Variants in NPC1L1 observed in about 807,000 individuals in gnomAD.
The protein encoded by NPC1L1 is NPC1 like intracellular cholesterol transporter 1, also known as NPC1-like intracellular cholesterol transporter 1.
A neutral mutation model predicts 117.0 loss-of-function variants in NPC1L1; 98 were observed. That is an observed-to-expected ratio of 0.84 (90% CI 0.71 to 0.99). The LOEUF (loss-of-function observed/expected upper bound fraction) is 0.99, where lower values mean the gene tolerates loss of function less well. Ranked by LOEUF, NPC1L1 falls within the 50% of genes least tolerant of loss-of-function variation. The pLI, the probability that NPC1L1 is intolerant of heterozygous loss-of-function variation, is 0.00. For synonymous variants in NPC1L1, 729 were observed against 727.6 expected, an observed-to-expected ratio of 1.00 and a Z score of -0.03; for missense variants, 1,540 against 1,710.0, an observed-to-expected ratio of 0.90 and a Z score of 1.75.
intron 10 of NPC1L1, among the ~76,000 whole-genome samples, chr7:44,523,556 T>C (rs1410381189): frequency 1.3e-5 from 2 of 152,160 alleles, no homozygotes; most frequent in African/African-American, 4.8e-5. Flanking sequence ...AGGAGCCAGG[T>C]AGGCAAGGAC....
chr7:44,541,312 C>G lies in NPC1L1; in HGVS notation c.-53G>C. The G allele has an allele frequency of 2.6e-6, 4 of 1,528,312 alleles. No homozygotes were observed. Among genetic ancestry groups the G allele is most frequent in the Non-Finnish European group, 3.5e-6 (4 of 1,129,560 alleles). The allele number at this position is 1,528,312 out of a possible 1,614,324, so 94.7% of individuals were successfully genotyped here. ...AGCCAGGCCAGGCCTCAGGAACAGCCAAGGGCTGAACACACATTAAGGCAG... is the reference window on the plus strand; with the variant it reads ...AGCCAGGCCAGGCCTCAGGAACAGCGAAGGGCTGAACACACATTAAGGCAG... On this transcript the variant is annotated 5_prime_UTR_variant, in exon 1 of 19. Coordinates refer to ENST00000381160, the MANE Select transcript of NPC1L1 (RefSeq NM_001101648.2).
At position 44,541,247 on chromosome 7, in the gene NPC1L1, C is replaced by T. The variant is rs759412002; in HGVS notation, c.13G>A (p.Gly5Ser). 1.8e-5 allele frequency: 28 copies of T among 1,549,920 alleles called. No individual in the cohort carries two copies. The highest frequency in any genetic ancestry group is 2.4e-5 in the East Asian group (1 of 40,922). ...GCCCACAGCAGCCAGCCCCTCAGGC[C>T]GGCCTCCGCCATCCCAGGTCTGGGA... The part of the protein sequence containing the change: MAEA[G>S]LRGWLLWALL... The change falls in exon 1 of 19, where the codon GGC becomes AGC. Residue 5 changes from glycine (G) to serine (S), a missense_variant. By Grantham distance (56) the Gly-to-Ser change is moderately conservative. Transcript: ENST00000381160.
At chr7:44,532,257 G>T in intron 8 of NPC1L1, 40 bp from the exon 9 acceptor site, 1 of 1,611,912 alleles carries the variant, frequency 6.2e-7, no homozygotes, top group Non-Finnish European at 8.5e-7. Context: ...TCCCAGAGCA[G>T]ACAAGGCCCC....
Position 44,534,617 on chromosome 7 carries a change from C to T in NPC1L1, c.1996G>A (p.Ala666Thr). 6.8e-6 allele frequency: 11 copies of T among 1,614,016 alleles called. No homozygotes were observed. The highest frequency in any genetic ancestry group is 1.3e-5 in the African/African-American group (1 of 75,056). ...SWSRVMVDSK[A>T]TLGLGGVAVV... ...GCCACCCCGCCGAGGCCCAGCGTGG[C>T]CTTGGAGTCCACCTGCAATGCAAAC... The change falls in exon 6 of 19, where the codon GCC becomes ACC. Residue 666 changes from alanine (A) to threonine (T), a missense_variant. Physicochemically the swap from Ala to Thr is moderately conservative, Grantham distance 58. Transcript: ENST00000381160. This position sits in a 1 kb window ranked among gnomAD's most constrained non-coding sequence, Gnocchi z 5.2.
At chr7:44,530,335 T>C (rs1459190768) in intron 10 of NPC1L1, among the ~76,000 whole-genome samples, 2 of 152,054 alleles carry the variant, frequency 1.3e-5, no homozygotes, top group Admixed American at 6.6e-5. Flanking sequence ...TGAAACTCTG[T>C]TTCAAAATAA....
At position 44,539,626 on chromosome 7, in the gene NPC1L1, T is replaced by C; in HGVS notation, c.771A>G (p.Gln257=). 6.2e-7 allele frequency: 1 copy of C among 1,613,856 alleles called. No individual in the cohort carries two copies. Among genetic ancestry groups the C allele is most frequent in the Non-Finnish European group, 8.5e-7 (1 of 1,180,024 alleles). ...TGGCAGGACAGGATGCAGCACAGTCTTGGCAGGAGCAGGTCGCCACGTCGT... is the reference window on the plus strand; with the variant it reads ...TGGCAGGACAGGATGCAGCACAGTCCTGGCAGGAGCAGGTCGCCACGTCGT... ...QGDDVATCSC[Q]DCAASCPAIA... Residue 257 remains glutamine (Q), a synonymous_variant, in exon 2 of 19, where the codon CAA becomes CAG. Coordinates refer to ENST00000381160, the MANE Select transcript of NPC1L1 (RefSeq NM_001101648.2). The surrounding 1 kb of genome is among the most constrained non-coding windows in gnomAD (Gnocchi z 4.4).
chr7:44,528,408 G>A (rs993164380), intron 10 of NPC1L1, among the ~76,000 whole-genome samples: 1 of 152,190 alleles, frequency 6.6e-6, no homozygotes, highest in Non-Finnish European at 1.5e-5. Flanking sequence ...GCTAGCTCAA[G>A]ATATAATTTT....
Position 44,520,776 on chromosome 7 carries a change from C to T in NPC1L1, c.3125G>A (p.Gly1042Asp), listed in dbSNP as rs371168476. Residue 1042 changes from glycine to aspartate, a missense_variant, in exon 14 of 19, where the codon GGC becomes GAC. Coordinates refer to ENST00000381160, the MANE Select transcript of NPC1L1 (RefSeq NM_001101648.2). Reference protein sequence around the residue: ...YSTSVNLTSDGQVLASRFMAY... With the variant: ...YSTSVNLTSDDQVLASRFMAY... ...AAGGCCATGCTTACCTAAAACCTGG[C>T]CATCTGAAGTCAAGTTCACAGAGGT... The T allele has an allele frequency of 1.2e-5, 19 of 1,613,954 alleles. No individual in the cohort carries two copies. The highest frequency in any genetic ancestry group is 1.7e-5 in the Admixed American group (1 of 59,996).
rs1482561393 is a variant in NPC1L1, at chr7:44,534,549, G to GGA, written c.2062_2063dup (p.Tyr689ProfsTer53). The stretch of plus-strand genomic sequence containing the variant: ...CCAGGGAGGAGCGGATACCCAAGTA[G>GGA]GAGAAGAAGCCCATGGCAGCCATGA... On this transcript the variant is annotated frameshift_variant, in exon 6 of 19. Coordinates refer to ENST00000381160, the MANE Select transcript of NPC1L1 (RefSeq NM_001101648.2). LOFTEE classifies it high-confidence loss of function. The surrounding 1 kb of genome is among the most constrained non-coding windows in gnomAD (Gnocchi z 5.2). 6.2e-7 allele frequency: 1 copy of GGA among 1,614,180 alleles called. No homozygotes were observed. The highest frequency in any genetic ancestry group is 1.1e-5 in the South Asian group (1 of 91,082).
rs137889714 is a variant in NPC1L1 at position 44,533,515 on chromosome 7, G to C, written c.2325C>G (p.Thr775=). The C allele has an allele frequency of 1.2e-6, 2 of 1,614,108 alleles. No homozygotes were observed. Among genetic ancestry groups the C allele is most frequent in the Non-Finnish European group, 1.7e-6 (2 of 1,180,054 alleles). Residue 775 remains threonine, a synonymous_variant, in exon 8 of 19, where the codon ACC becomes ACG. Transcript: ENST00000381160. ...PMPAVRTFAL[T]SGLAVILDFL... is the part of the protein sequence containing the mutation. ...AGTCAAGGATCACTGCAAGGCCAGA[G>C]GTCAGGGCAAAGGTCCGCACAGCTG...
Position 44,513,690 on chromosome 7 carries a change from G to C in NPC1L1, c.3797-41C>G, listed in dbSNP as rs746291080. 3.1e-6 allele frequency: 5 copies of C among 1,600,884 alleles called. No individual in the cohort carries two copies. The South Asian group carries it at 4.4e-5, about 14-fold the overall frequency. On this transcript the variant is annotated intron_variant, in intron 18 of 18. Transcript: ENST00000381160. ...GAACCACAGTCAGAGAGGTGGGCAG[G>C]GGACACAGGTGAGAAGCTATTCCTG...
intron 10 of NPC1L1, among the ~76,000 whole-genome samples, chr7:44,525,313 A>G (rs139264665): frequency 0.012 from 1,842 of 152,144 alleles, 14 homozygotes; most frequent in Non-Finnish European, 0.019. Flanking sequence ...GCTGGAGTGC[A>G]GTGGCACAAT....
At chr7:44,537,457 A>G (rs1383245340) in intron 2 of NPC1L1, among the ~76,000 whole-genome samples, 1 of 152,178 alleles carries the variant, frequency 6.6e-6, no homozygotes, top group Admixed American at 6.5e-5. Context: ...TATTGAGGTT[A>G]GATTTGGAAC....
At chr7:44,537,874 GC>G (rs1801949193) in intron 2 of NPC1L1, among the ~76,000 whole-genome samples, 1 of 152,202 alleles carries the variant, frequency 6.6e-6, no homozygotes, top group African/African-American at 2.4e-5. Context: ...CCAAGAGAGA[GC>G]CCTTGGGTTC....
Position 44,539,108 on chromosome 7 carries a change from T to C in NPC1L1, c.1289A>G (p.Lys430Arg). The C allele has an allele frequency of 6.2e-7, 1 of 1,614,150 alleles. No homozygotes were observed. The highest frequency in any genetic ancestry group is 8.5e-7 in the Non-Finnish European group (1 of 1,180,026). ...CAGGTCCAGGATTCCGCTGAAGTTC[T>C]TGGGCCCCAGCAGCAGAGAGTCATA... Reference protein sequence around the residue: ...YRYDSLLLGPKNFSGILDLDL... With the variant: ...YRYDSLLLGPRNFSGILDLDL... The change falls in exon 2 of 19, where the codon AAG (lysine) becomes AGG (arginine). Residue 430 changes from lysine (K) to arginine (R), a missense_variant. This residue lies in a region of NPC1L1 where 793 missense variants were observed against 820.4 expected (regional missense o/e 0.97). Transcript: ENST00000381160. The surrounding 1 kb of genome is among the most constrained non-coding windows in gnomAD (Gnocchi z 4.4).
At position 44,539,664 on chromosome 7, in the gene NPC1L1, C is replaced by A. The variant is rs267601518; in HGVS notation, c.733G>T (p.Glu245Ter). The A allele has an allele frequency of 1.9e-6, 3 of 1,613,814 alleles. No individual in the cohort carries two copies. Among genetic ancestry groups the A allele is most frequent in the Non-Finnish European group, 2.5e-6 (3 of 1,180,042 alleles). ...PLNEGVARCNESQGDDVATCS... is the reference protein window; with the variant it reads ...PLNEGVARCN ...GTCGCCACGTCGTCACCTTGGGACT[C>A]ATTGCAACGTGCAACCCCCTCATTC... Residue 245 changes from glutamate to a stop codon, truncating the protein, a stop_gained, in exon 2 of 19, where the codon GAG (glutamate) becomes TAG (stop). Transcript: ENST00000381160. LOFTEE classifies it high-confidence loss of function. The surrounding 1 kb of genome is among the most constrained non-coding windows in gnomAD (Gnocchi z 4.4).
intron 8 of NPC1L1, chr7:44,533,098 T>A (rs1171949988): frequency 3.3e-6 from 1 of 306,044 alleles, no homozygotes; most frequent in Admixed American, 4.5e-5. Flanking sequence ...AGAGTGAAAC[T>A]CCGTCTCAAA....
chr7:44,531,282 G>A (rs914569406), intron 10 of NPC1L1, among the ~76,000 whole-genome samples: 17 of 152,270 alleles, frequency 1.1e-4, no homozygotes, highest in Admixed American at 5.9e-4. Flanking sequence ...TCGCTGCCAC[G>A]CCCAGGAAAC....
At position 44,538,167 on chromosome 7, in the gene NPC1L1, C is replaced by G. The variant is rs1171588895; in HGVS notation, c.1580+650G>C. On this transcript the variant is annotated intron_variant, in intron 2 of 18. Transcript: ENST00000381160. The surrounding 1 kb of genome is among the most constrained non-coding windows in gnomAD (Gnocchi z 5.9). ...TTGAGGACCTCTGCTCTACTCCAAC[C>G]TCAAGGAGCCTCCACTGCCAAGGCC... Among the ~76,000 whole-genome samples, 2 of 152,278 alleles carry G rather than the reference C, an allele frequency of 1.3e-5. No homozygotes were observed. The highest frequency in any genetic ancestry group is 2.9e-5 in the Non-Finnish European group (2 of 68,046).
Sources: gnomAD v4.1 joint callset for allele counts (sites outside exome capture counted in the v4.1 genomes callset) on GRCh38, gnomAD v4.1.1 for gene constraint, gnomAD v4.1.1 regional missense constraint, Gnocchi (gnomAD v3.1) non-coding constraint, MANE v1.5 for transcripts, NCBI Gene and HGNC (gene_info 2026-07-23, HGNC 2026-07-21) for gene names.